The following LYRM9 variants were observed in gnomAD, a reference collection of about 807,000 sequenced individuals.
LYRM9 encodes LYR motif containing 9, also known as LYR motif-containing protein 9.
A neutral mutation model predicts 12.6 loss-of-function variants in LYRM9; 14 were observed. The observed-to-expected ratio is 1.11, with a 90% CI of 0.73 to 1.73. The LOEUF (loss-of-function observed/expected upper bound fraction) is 1.73. Among genes scored for constraint, LYRM9 ranks in the 40% most tolerant of loss-of-function variants. The probability of loss-of-function intolerance (pLI) is 0.00; values close to 1 mark genes in which losing one functional copy is unlikely to be tolerated. For missense variants in LYRM9, 94 were observed against 95.0 expected, an observed-to-expected ratio of 0.99 and a Z score of 0.04; for synonymous variants, 42 against 35.1, an observed-to-expected ratio of 1.20 and a Z score of -0.69.
chr17:27,882,603 C>T lies in LYRM9; in HGVS notation c.92G>A (p.Gly31Asp), dbSNP rs1053396556. ...AGCATGCTTGTAATGCTGCTGGATG[C>T]CCTTGGTCGGCAGCTGCTGGCAACA... The part of the protein sequence containing the change: ...LRCCQQLPTK[G>D]IQQHYKHAVR... Residue 31 changes from glycine (G) to aspartate (D), a missense_variant, in exon 2 of 4, where the codon GGC becomes GAC. Coordinates refer to ENST00000379102, the MANE Select transcript of LYRM9 (RefSeq NM_001076680.3). 3.8e-6 allele frequency: 6 copies of T among 1,596,364 alleles called. No homozygotes were observed. The highest frequency in any genetic ancestry group is 3.4e-6 in the Non-Finnish European group (4 of 1,172,456).
Position 27,882,724 on chromosome 17 carries a change from GCAGGAT to G in LYRM9, c.-18-18_-18-13del. The G allele has an allele frequency of 6.4e-7, 1 of 1,574,676 alleles. No individual in the cohort carries two copies. On this transcript the variant is annotated splice_polypyrimidine_tract_variant and intron_variant, in intron 1 of 3. Transcript: ENST00000379102. ...GAGACCCTCTGTCCCTGGAAAACAA[GCAGGAT>G]CACTTCCAGGGCATCAAGCCAAGTT...
chr17:27,884,463 T>C (rs1435976344), intron 1 of LYRM9, among the ~76,000 whole-genome samples: 1 of 152,244 alleles, frequency 6.6e-6, no homozygotes, highest in Non-Finnish European at 1.5e-5. Context: ...TCAGTGCACA[T>C]GCAGCTCCCT....
In LYRM9 at chr17:27,879,158, T is replaced by A. The variant is rs1904949252; in HGVS notation, c.*315A>T. On this transcript the variant is annotated 3_prime_UTR_variant, in exon 4 of 4. Transcript: ENST00000379102. The stretch of plus-strand genomic sequence containing the variant: ...TGGGACTCAGAGAATGATAAAGAGA[T>A]CTCCAGAATAAATGAATCACTTTCA... The A allele has an allele frequency of 1.0e-5, 3 of 291,062 alleles. No homozygotes were observed. The East Asian group carries it at 2.4e-4, about 24-fold the overall frequency. 18.0% of individuals were successfully genotyped at this position (291,062 alleles called of 1,614,324 possible).
chr17:27,887,513 TG>T (rs1905268673), intron 1 of LYRM9, among the ~76,000 whole-genome samples: 1 of 152,180 alleles, frequency 6.6e-6, no homozygotes, highest in East Asian at 1.9e-4. Context: ...CCTCTCGATC[TG>T]GCCCCTACCT....
chr17:27,879,371 G>C lies in LYRM9; in HGVS notation c.*102C>G. The C allele has an allele frequency of 7.5e-7, 1 of 1,333,868 alleles. No homozygotes were observed. The highest frequency in any genetic ancestry group is 2.6e-4 in the Middle Eastern group (1 of 3,806). The allele number at this position is 1,333,868 out of a possible 1,614,324, so 82.6% of individuals were successfully genotyped here. On this transcript the variant is annotated 3_prime_UTR_variant, in exon 4 of 4. Coordinates refer to ENST00000379102, the MANE Select transcript of LYRM9 (RefSeq NM_001076680.3). ...CTTCTCCCCTGATTTCTGGCTTTCA[G>C]CCAACAAGGCCAATGGCTCTTCCAA...
In LYRM9 at chr17:27,880,260, G is replaced by A. The variant is rs1380441815; in HGVS notation, c.219+14C>T. 2.5e-6 allele frequency: 4 copies of A among 1,593,220 alleles called. No individual in the cohort carries two copies. Among genetic ancestry groups the A allele is most frequent in the African/African-American group, 2.7e-5 (2 of 74,534 alleles). On this transcript the variant is annotated intron_variant, in intron 3 of 3. Coordinates refer to ENST00000379102, the MANE Select transcript of LYRM9 (RefSeq NM_001076680.3). The stretch of plus-strand genomic sequence containing the variant: ...CCCCAGCTCGCAGGCAGAGCCCAGG[G>A]GCCAAGCACCTACTTTGTTCATGAT...
intron 1 of LYRM9, among the ~76,000 whole-genome samples, chr17:27,890,757 C>T (rs775836971): frequency 9.2e-5 from 14 of 152,294 alleles, no homozygotes; most frequent in Admixed American, 4.6e-4. Context: ...CACTGATACA[C>T]GCTAAATTAA....
At chr17:27,880,120 C>T (rs1178552924) in intron 3 of LYRM9, 154 bp downstream of exon 3, 4 of 718,176 alleles carry the variant, frequency 5.6e-6, no homozygotes, top group Non-Finnish European at 7.6e-6. Flanking sequence ...TTTGTCTTCA[C>T]CTTTCAGCTT....
At chr17:27,883,221 C>A in intron 1 of LYRM9, 1 of 312,484 alleles carries the variant, frequency 3.2e-6, no homozygotes, top group Non-Finnish European at 6.4e-6. Flanking sequence ...CCCAAAGACC[C>A]ACCAGATCAA....
chr17:27,892,524 T>C, intron 1 of LYRM9: 1 of 416,734 alleles, frequency 2.4e-6, no homozygotes. Flanking sequence ...AACATTACGC[T>C]AAGTGAACAA....
chr17:27,880,487 C>T (rs1650040986), intron 2 of LYRM9, 121 bp from the exon 3 acceptor site: 1 of 657,418 alleles, frequency 1.5e-6, no homozygotes. Context: ...TCTCTTCATC[C>T]TCCATAGACT....
intron 1 of LYRM9, among the ~76,000 whole-genome samples, chr17:27,890,659 C>A (rs1306945168): frequency 6.6e-6 from 1 of 151,854 alleles, no homozygotes; most frequent in Admixed American, 6.6e-5. Flanking sequence ...GATATAGGCA[C>A]CTAAAAATAA....
chr17:27,893,308 G>C lies in LYRM9; in HGVS notation c.-19+9C>G, dbSNP rs928078621. ...CGCCCTCGGCCTCGGCCTGCGCAGC[G>C]CGGCTCACCAGCCTCCAGGGGAACG... is the stretch of plus-strand genomic sequence containing the variant. On this transcript the variant is annotated intron_variant, in intron 1 of 3. Transcript: ENST00000379102. 2 of 152,568 alleles carry C rather than the reference G, an allele frequency of 1.3e-5. No homozygotes were observed. Among genetic ancestry groups the C allele is most frequent in the Non-Finnish European group, 2.9e-5 (2 of 68,100 alleles). 9.5% of individuals were successfully genotyped at this position (152,568 alleles called of 1,614,324 possible).
intron 1 of LYRM9, among the ~76,000 whole-genome samples, chr17:27,891,334 C>G (rs937567549): frequency 6.6e-6 from 1 of 152,128 alleles, no homozygotes; most frequent in Non-Finnish European, 1.5e-5. Context: ...GTTCTAGGAC[C>G]CTGGACGAGT....
intron 1 of LYRM9, among the ~76,000 whole-genome samples, chr17:27,883,780 A>T (rs1277527944): frequency 1.4e-5 from 2 of 147,992 alleles, no homozygotes; most frequent in Non-Finnish European, 3.0e-5. Flanking sequence ...TCACACAGCT[A>T]ATAAAGCTGG....
At position 27,890,370 on chromosome 17, in the gene LYRM9, G is replaced by A. The variant is rs930765776; in HGVS notation, c.-19+2947C>T. Among the ~76,000 whole-genome samples, 15 of 151,932 alleles carry A rather than the reference G, an allele frequency of 9.9e-5. 1 individual carries two copies. Among genetic ancestry groups the A allele is most frequent in the African/African-American group, 2.9e-4 (12 of 41,342 alleles). ...CTGAAACCCAAGGACATCGTCTGCA[G>A]CTTCCCCCTGCATATAGATGGAAAA... On this transcript the variant is annotated intron_variant, in intron 1 of 3. Transcript: ENST00000379102.
At chr17:27,879,968 C>T (rs931380340) in intron 3 of LYRM9, 13 of 628,002 alleles carry the variant, frequency 2.1e-5, no homozygotes, top group African/African-American at 5.5e-5. Flanking sequence ...GTGCCACCGC[C>T]GGCTCTGGCA....
chr17:27,880,970 G>T (rs1008424219), intron 2 of LYRM9: 2 of 152,686 alleles, frequency 1.3e-5, no homozygotes, highest in East Asian at 1.9e-4. Context: ...CAGGCATGGT[G>T]GCTCATGCCT....
At chr17:27,880,195 G>T in intron 3 of LYRM9, 79 bp downstream of exon 3, 1 of 1,085,144 alleles carries the variant, frequency 9.2e-7, no homozygotes. Flanking sequence ...TGTGGGGCAG[G>T]AGTGGCCTCT....
Sources: gnomAD v4.1 joint callset for allele counts (sites outside exome capture counted in the v4.1 genomes callset) on GRCh38, gnomAD v4.1.1 for gene constraint, MANE v1.5 for transcripts, NCBI Gene and HGNC (gene_info 2026-07-23, HGNC 2026-07-21) for gene names.